Variants in ULK2 observed in about 807,000 individuals in gnomAD.
The protein encoded by ULK2 is serine/threonine-protein kinase ULK2.
Under a neutral mutation model 127.5 loss-of-function variants are expected in ULK2, and 76 were observed. That is an observed-to-expected ratio of 0.60 (90% CI 0.50 to 0.72). The LOEUF is 0.72. Among genes scored for constraint, ULK2 ranks in the 30% least tolerant of loss-of-function variants. The probability of loss-of-function intolerance (pLI) is 0.00; values close to 1 mark genes in which losing one functional copy is unlikely to be tolerated. For synonymous variants in ULK2, 452 were observed against 461.9 expected, an observed-to-expected ratio of 0.98 and a Z score of 0.28; for missense variants, 1,144 against 1,295.9, an observed-to-expected ratio of 0.88 and a Z score of 1.80.
intron 3 of ULK2, among the ~76,000 whole-genome samples, chr17:19,852,335 C>T (rs553819044): frequency 4.6e-5 from 7 of 150,828 alleles, no homozygotes; most frequent in Admixed American, 4.0e-4. Context: ...TCGTGGCTAA[C>T]GCGGTGAAAC....
At chr17:19,799,958 A>G (rs767596960) in intron 16 of ULK2, among the ~76,000 whole-genome samples, 1 of 152,226 alleles carries the variant, frequency 6.6e-6, no homozygotes, top group Non-Finnish European at 1.5e-5. Flanking sequence ...TGCCAAGGCT[A>G]GGCTTCCCCC....
rs1215948733 is a variant in ULK2 at position 19,797,424 on chromosome 17, A to G, written c.1781T>C (p.Leu594Ser). ...RSSDWFFKTP[L>S]PTIIGSPTKT... ...AGTAGGAGAGCCAATGATTGTTGGC[A>G]AAGGAGTTTTAAAGAACCAGTCAGA... Residue 594 changes from leucine (L) to serine (S), a missense_variant, in exon 18 of 27, where the codon TTG becomes TCG. Transcript: ENST00000395544. The G allele has an allele frequency of 6.2e-7, 1 of 1,613,636 alleles. No homozygotes were observed. Among genetic ancestry groups the G allele is most frequent in the Non-Finnish European group, 8.5e-7 (1 of 1,179,850 alleles).
intron 1 of ULK2, among the ~76,000 whole-genome samples, chr17:19,866,964 G>A (rs948771903): frequency 2.0e-5 from 3 of 152,140 alleles, no homozygotes; most frequent in Admixed American, 2.0e-4. Context: ...CCAGCCCTGG[G>A]CACGGGGAAA....
chr17:19,786,004 C>A lies in ULK2; in HGVS notation c.2184G>T (p.Gly728=). The A allele has an allele frequency of 2.5e-6, 4 of 1,584,930 alleles. No individual in the cohort carries two copies. Among genetic ancestry groups the A allele is most frequent in the Non-Finnish European group, 3.4e-6 (4 of 1,169,952 alleles). Residue 728 remains glycine (G), a synonymous_variant, in exon 21 of 27, where the codon GGG becomes GGT. Transcript: ENST00000395544. ...GGGCTGCCGCACTGTGTGGAGGAGA[C>A]CCTACAGTGAAGAGGACAGCCTTGG... ...ASSKAVLFTV[G]SPPHSAAAPT... is the part of the protein sequence containing the mutation.
At chr17:19,829,739 G>C (rs1012638760) in intron 10 of ULK2, among the ~76,000 whole-genome samples, 6 of 151,416 alleles carry the variant, frequency 4.0e-5, no homozygotes, top group African/African-American at 1.5e-4. Flanking sequence ...GGGAGGCTGA[G>C]GCAGGAGAAT....
At chr17:19,833,447 G>A (rs1597786630) in intron 10 of ULK2, among the ~76,000 whole-genome samples, 2 of 151,696 alleles carry the variant, frequency 1.3e-5, no homozygotes, top group South Asian at 2.1e-4. Flanking sequence ...AGTGGCTCAC[G>A]CTTGTAATCC....
At chr17:19,779,868 T>A (rs943190217) in intron 25 of ULK2, among the ~76,000 whole-genome samples, 3 of 152,068 alleles carry the variant, frequency 2.0e-5, no homozygotes, top group African/African-American at 7.2e-5. Context: ...TGCTTTTAGA[T>A]GCACACTATA....
chr17:19,862,544 T>G (rs2042265372), intron 3 of ULK2, among the ~76,000 whole-genome samples: 1 of 150,900 alleles, frequency 6.6e-6, no homozygotes, highest in South Asian at 2.1e-4. Flanking sequence ...CAGCTCAATG[T>G]AACCTCTGCC....
intron 20 of ULK2, among the ~76,000 whole-genome samples, chr17:19,795,081 A>C (rs75665885): frequency 1.3e-5 from 2 of 148,416 alleles, no homozygotes; most frequent in Non-Finnish European, 3.0e-5. Context: ...TTCATCTCCC[A>C]AAAAAAAAAC....
chr17:19,865,912 G>T, intron 1 of ULK2, 84 bp from the exon 2 acceptor site: 1 of 737,960 alleles, frequency 1.4e-6, no homozygotes, highest in Non-Finnish European at 2.2e-6. Context: ...GGTGTTTTTG[G>T]CAAATAAATG....
At chr17:19,777,353 C>A (rs1055142740) in intron 26 of ULK2, among the ~76,000 whole-genome samples, 14 of 152,206 alleles carry the variant, frequency 9.2e-5, no homozygotes, top group Non-Finnish European at 1.8e-4. Context: ...GATCCGCCCA[C>A]CTTGGCCTCC....
chr17:19,788,227 A>G (rs1004925767), intron 20 of ULK2, among the ~76,000 whole-genome samples: 3 of 152,122 alleles, frequency 2.0e-5, no homozygotes, highest in African/African-American at 7.2e-5. Flanking sequence ...GAGAGACATC[A>G]GACAGGGCTT....
intron 20 of ULK2, among the ~76,000 whole-genome samples, chr17:19,790,251 T>C (rs562802083): frequency 2.0e-5 from 3 of 152,018 alleles, no homozygotes; most frequent in Non-Finnish European, 4.4e-5. Context: ...ACACTGTCTC[T>C]ACTAAAAATA....
chr17:19,831,967 A>G (rs1043432774), intron 10 of ULK2, among the ~76,000 whole-genome samples: 33 of 152,084 alleles, frequency 2.2e-4, no homozygotes, highest in Non-Finnish European at 4.4e-4. Flanking sequence ...CTCTACTAAA[A>G]ATACAAAATA....
chr17:19,806,975 C>A (rs1049893689), intron 14 of ULK2, among the ~76,000 whole-genome samples: 1 of 152,204 alleles, frequency 6.6e-6, no homozygotes, highest in African/African-American at 2.4e-5. Flanking sequence ...ACAATCTTTA[C>A]ACCAGGAAAT....
At position 19,796,142 on chromosome 17, in the gene ULK2, TC is replaced by T. The variant is rs2087265347; in HGVS notation, c.1949del (p.Gly650GlufsTer43). 1 of 1,614,050 alleles carries T rather than the reference TC, an allele frequency of 6.2e-7. No homozygotes were observed. Among genetic ancestry groups the T allele is most frequent in the African/African-American group, 1.3e-5 (1 of 74,932 alleles). ...RECAHCLLVQ[G>X]SERQRAEQQS... The stretch of plus-strand genomic sequence containing the variant: ...GCTGCTCGGCCCGCTGCCTCTCACT[TC>T]CTTGCACTAAGAGGCAATGGGCACA... On this transcript the variant is annotated frameshift_variant, in exon 19 of 27. Coordinates refer to ENST00000395544, the MANE Select transcript of ULK2 (RefSeq NM_014683.4). LOFTEE classifies it high-confidence loss of function.
rs748736459 is a variant in ULK2, at chr17:19,796,150, C to G, written c.1942G>C (p.Val648Leu). ...GCCCGCTGCCTCTCACTTCCTTGCA[C>G]TAAGAGGCAATGGGCACATTCCCGT... The part of the protein sequence containing the change: ...EPRECAHCLL[V>L]QGSERQRAEQ... The change falls in exon 19 of 27, where the codon GTG (valine) becomes CTG (leucine). Residue 648 changes from valine to leucine, a missense_variant. This residue lies in a region of ULK2 where 913 missense variants were observed against 970.5 expected (regional missense o/e 0.94). Coordinates refer to ENST00000395544, the MANE Select transcript of ULK2 (RefSeq NM_014683.4). 24 of 1,614,088 alleles carry G rather than the reference C, an allele frequency of 1.5e-5. No individual in the cohort carries two copies. The highest frequency in any genetic ancestry group is 1.9e-5 in the Non-Finnish European group (22 of 1,180,034).
chr17:19,847,863 T>C (rs1416881938), intron 5 of ULK2, among the ~76,000 whole-genome samples: 3 of 152,142 alleles, frequency 2.0e-5, no homozygotes, highest in Admixed American at 1.3e-4. Context: ...GTAAATTCTA[T>C]TTCTGTGTAT....
At chr17:19,859,573 C>T (rs144126965) in intron 3 of ULK2, among the ~76,000 whole-genome samples, 227 of 152,290 alleles carry the variant, frequency 1.5e-3, no homozygotes, top group Non-Finnish European at 2.7e-3. Flanking sequence ...GGAATTTATT[C>T]TACAGGAACA....
Sources: allele counts gnomAD v4.1 joint callset (sites outside exome capture counted in the v4.1 genomes callset), GRCh38; gene constraint gnomAD v4.1.1; regional missense constraint gnomAD v4.1.1; transcripts MANE v1.5; gene names NCBI Gene and HGNC (gene_info 2026-07-23, HGNC 2026-07-21).